Variants in LAMA1 observed in about 807,000 individuals in gnomAD.
The protein encoded by LAMA1 is laminin subunit alpha 1, also known as laminin subunit alpha-1.
Under a neutral mutation model 348.7 loss-of-function variants are expected in LAMA1, and 219 were observed. The observed-to-expected ratio is 0.63, with a 90% CI of 0.56 to 0.70. The LOEUF is 0.70. LAMA1 is among the 30% of genes least tolerant of loss of function. LAMA1 has a pLI of 0.00. For missense variants in LAMA1, 3,744 were observed against 3,888.0 expected, an observed-to-expected ratio of 0.96 and a Z score of 0.99; for synonymous variants, 1,487 against 1,491.0, an observed-to-expected ratio of 1.00 and a Z score of 0.06.
intron 17 of LAMA1, among the ~76,000 whole-genome samples, chr18:7,025,023 C>T (rs957005234): frequency 2.0e-5 from 3 of 152,198 alleles, no homozygotes; most frequent in Admixed American, 2.0e-4. Flanking sequence ...GATGACAGTA[C>T]CCACCCCCAA....
At position 6,942,227 on chromosome 18, in the gene LAMA1, T is replaced by G. The variant is rs2057501796; in HGVS notation, c.9080A>C (p.Gln3027Pro). 6.2e-7 allele frequency: 1 copy of G among 1,614,008 alleles called. No individual in the cohort carries two copies. The highest frequency in any genetic ancestry group is 1.3e-5 in the African/African-American group (1 of 74,932). ...CGAGGTCTGGCTGCGCAGGCATTTT[T>G]GCTTCACACCAGCTGTTCAGGAAAG... ...YVGGYPAGVK[Q>P]KCLRSQTSFR... The change falls in exon 63 of 63, where the codon CAA becomes CCA. Residue 3027 changes from glutamine to proline, a missense_variant. By Grantham distance (76) the Gln-to-Pro change is moderately conservative. This residue lies in a region of LAMA1 where 232 missense variants were observed against 264.4 expected (regional missense o/e 0.88). Coordinates refer to ENST00000389658, the MANE Select transcript of LAMA1 (RefSeq NM_005559.4).
Position 6,949,222 on chromosome 18 carries a change from G to A in LAMA1, c.8435C>T (p.Thr2812Ile). ...TDYVKRKGFI[T>I]VDGRESPMVT... ...CATGGGAGACTCTCGGCCGTCGACA[G>A]TTATGAAGCCTTTTCTTTTAACATA... Residue 2812 changes from threonine to isoleucine, a missense_variant, in exon 59 of 63, where the codon ACT becomes ATT. This residue lies in a region of LAMA1 where 1,983 missense variants were observed against 1,934.3 expected (regional missense o/e 1.03). Transcript: ENST00000389658. The A allele has an allele frequency of 1.2e-6, 2 of 1,614,208 alleles. No individual in the cohort carries two copies. The highest frequency in any genetic ancestry group is 1.7e-6 in the Non-Finnish European group (2 of 1,180,026).
At position 7,026,007 on chromosome 18, in the gene LAMA1, C is replaced by A. The variant is rs370543207; in HGVS notation, c.2374G>T (p.Ala792Ser). ...RGTPGDCQPCACPLTIASNNF... is the reference protein window; with the variant it reads ...RGTPGDCQPCSCPLTIASNNF... ...TTGGAGGCTATGGTGAGAGGGCAGG[C>A]GCAGGGCTGGCAGTCCCCAGGTGTC... The change falls in exon 17 of 63, where the codon GCC (alanine) becomes TCC (serine). Residue 792 changes from alanine (A) to serine (S), a missense_variant. Physicochemically the swap from Ala to Ser is moderately conservative, Grantham distance 99 (BLOSUM62 1). Coordinates refer to ENST00000389658, the MANE Select transcript of LAMA1 (RefSeq NM_005559.4). The A allele has an allele frequency of 6.8e-6, 11 of 1,609,004 alleles. No individual in the cohort carries two copies. Among genetic ancestry groups the A allele is most frequent in the Non-Finnish European group, 9.3e-6 (11 of 1,177,772 alleles).
chr18:6,995,364 T>C lies in LAMA1; in HGVS notation c.4889A>G (p.Gln1630Arg). ...EGVAEETDNL[Q>R]KKLTRMLAST... ...GTTATGGAAAGAATTTACCTTCTTT[T>C]GCAGGTTGTCCGTTTCTTCTGCAAC... The change falls in exon 34 of 63, where the codon CAA becomes CGA. Residue 1630 changes from glutamine to arginine, a missense_variant. Gln to Arg is a conservative substitution (Grantham distance 43, BLOSUM62 1). Coordinates refer to ENST00000389658, the MANE Select transcript of LAMA1 (RefSeq NM_005559.4). 6.2e-7 allele frequency: 1 copy of C among 1,611,788 alleles called. No homozygotes were observed. The highest frequency in any genetic ancestry group is 8.5e-7 in the Non-Finnish European group (1 of 1,177,786).
chr18:6,996,113 A>G (rs1202228125), intron 33 of LAMA1, among the ~76,000 whole-genome samples: 2 of 152,050 alleles, frequency 1.3e-5, no homozygotes, highest in African/African-American at 2.4e-5. Context: ...TAGTGATTGG[A>G]AAAAAAAGTT....
chr18:7,032,907 C>T, intron 15 of LAMA1, 77 bp downstream of exon 15: 1 of 1,084,004 alleles, frequency 9.2e-7, no homozygotes, highest in East Asian at 2.6e-5. Context: ...AAATGTTTGC[C>T]ATGACATCCC....
chr18:7,089,097 G>A (rs2058229212), intron 1 of LAMA1, among the ~76,000 whole-genome samples: 1 of 152,108 alleles, frequency 6.6e-6, no homozygotes, highest in South Asian at 2.1e-4. Context: ...AACCTGCTAG[G>A]GGCCAGGGTG....
intron 47 of LAMA1, chr18:6,972,200 C>T (rs1314888554): frequency 1.9e-6 from 1 of 525,446 alleles, no homozygotes; most frequent in African/African-American, 1.9e-5. Context: ...TCTTAAAGAT[C>T]ATCTCAGTGA....
At chr18:7,018,499 C>T (rs1285018442) in intron 19 of LAMA1, among the ~76,000 whole-genome samples, 1 of 150,592 alleles carries the variant, frequency 6.6e-6, no homozygotes, top group East Asian at 2.0e-4. Context: ...GGGTTCATGC[C>T]ATTCTCCTGC....
At chr18:6,950,755 GCCA>G in intron 58 of LAMA1, 24 bp downstream of exon 58, 2 of 1,612,270 alleles carry the variant, frequency 1.2e-6, no homozygotes, top group Non-Finnish European at 8.5e-7. Context: ...CTCAGAAGCA[GCCA>G]CCACAAGCCT....
chr18:7,056,936 A>G (rs2058084453), intron 3 of LAMA1, among the ~76,000 whole-genome samples: 2 of 150,594 alleles, frequency 1.3e-5, no homozygotes, highest in African/African-American at 4.9e-5. Context: ...CAGTGGCATG[A>G]TCTTGGCTCA....
chr18:6,944,081 T>C (rs1227637514), intron 61 of LAMA1, among the ~76,000 whole-genome samples: 3 of 152,036 alleles, frequency 2.0e-5, no homozygotes, highest in Non-Finnish European at 2.9e-5. Context: ...AGTGGCGCGG[T>C]CTTGGCTTAC....
intron 18 of LAMA1, 112 bp from the exon 19 acceptor site, chr18:7,023,487 G>T: frequency 1.1e-6 from 1 of 878,740 alleles, no homozygotes; most frequent in Non-Finnish European, 1.9e-6. Flanking sequence ...TGTTCCCTGA[G>T]ATTTACTGTG....
At chr18:7,105,829 A>T (rs1434683774) in intron 1 of LAMA1, among the ~76,000 whole-genome samples, 1 of 152,242 alleles carries the variant, frequency 6.6e-6, no homozygotes, top group Non-Finnish European at 1.5e-5. Flanking sequence ...ATACATGATC[A>T]AGAGTATTTT....
At chr18:7,037,787 T>C in intron 11 of LAMA1, 36 bp from the exon 12 acceptor site, 1 of 1,602,746 alleles carries the variant, frequency 6.2e-7, no homozygotes, top group Non-Finnish European at 8.5e-7. Context: ...AAGTATGAAA[T>C]AGAACTTACC....
chr18:7,034,679 G>C lies in LAMA1; in HGVS notation c.1851C>G (p.Leu617=). Residue 617 remains leucine (L), a synonymous_variant, in exon 14 of 63, where the codon CTC becomes CTG. Transcript: ENST00000389658. The part of the protein sequence containing the change: ...HADVIIKGNG[L]TLSTQAEGLS... ...GACCCTCAGCCTGTGTGCTTAAAGT[G>C]AGTCCGTTTCCCTAACATTTAAAAA... is the stretch of plus-strand genomic sequence containing the variant. The C allele has an allele frequency of 6.2e-7, 1 of 1,613,456 alleles. No individual in the cohort carries two copies. Among genetic ancestry groups the C allele is most frequent in the Non-Finnish European group, 8.5e-7 (1 of 1,179,382 alleles).
In LAMA1 at chr18:7,015,970, TA is replaced by T; in HGVS notation, c.2990-113del. On this transcript the variant is annotated intron_variant, in intron 21 of 62. Coordinates refer to ENST00000389658, the MANE Select transcript of LAMA1 (RefSeq NM_005559.4). Reference sequence around the variant, plus strand: ...GAGTCCAAGCCACTCTTCTCACTCCTAAAAGACGCCTCACAATTCCCAAGAC... The same window carrying T: ...GAGTCCAAGCCACTCTTCTCACTCCTAAAGACGCCTCACAATTCCCAAGAC... 4 of 1,314,310 alleles carry T rather than the reference TA, an allele frequency of 3.0e-6. No individual in the cohort carries two copies. The South Asian group carries it at 4.9e-5, about 16-fold the overall frequency. The allele number at this position is 1,314,310 out of a possible 1,614,324, so 81.4% of individuals were successfully genotyped here.
intron 3 of LAMA1, among the ~76,000 whole-genome samples, chr18:7,065,709 A>G (rs2058120185): frequency 6.6e-6 from 1 of 152,242 alleles, no homozygotes; most frequent in African/African-American, 2.4e-5. Context: ...CTTGGGTGAC[A>G]GAGTGAGACT....
chr18:7,035,951 T>TG (rs993935373), intron 13 of LAMA1, 36 bp downstream of exon 13: 6 of 1,536,608 alleles, frequency 3.9e-6, no homozygotes, highest in Admixed American at 3.3e-5. Context: ...CACTAAGCCC[T>TG]AAGCTCTATA....
Sources: gnomAD v4.1 joint callset for allele counts (sites outside exome capture counted in the v4.1 genomes callset) on GRCh38, gnomAD v4.1.1 for gene constraint, gnomAD v4.1.1 regional missense constraint, MANE v1.5 for transcripts, NCBI Gene and HGNC (gene_info 2026-07-23, HGNC 2026-07-21) for gene names.